The following P2RX1 variants were observed in gnomAD, a reference collection of about 807,000 sequenced individuals.
P2RX1 encodes P2X purinoceptor 1.
Under a neutral mutation model 50.3 loss-of-function variants are expected in P2RX1, and 42 were observed. That is an observed-to-expected ratio of 0.83 (90% confidence interval 0.65 to 1.08). The LOEUF is 1.08. P2RX1 is among the 50% of genes least tolerant of loss of function. The pLI is 0.00. For missense variants in P2RX1, 449 were observed against 529.0 expected, an observed-to-expected ratio of 0.85 and a Z score of 1.48; for synonymous variants, 199 against 202.6, an observed-to-expected ratio of 0.98 and a Z score of 0.15.
Position 3,915,888 on chromosome 17 carries a change from C to T in P2RX1, c.137+201G>A, listed in dbSNP as rs776727788. On this transcript the variant is annotated intron_variant, in intron 1 of 11. Coordinates refer to ENST00000225538, the MANE Select transcript of P2RX1 (RefSeq NM_002558.4). The stretch of plus-strand genomic sequence containing the variant: ...CTCCTGTTCACCGAAGGCCCCCGGG[C>T]AGGGCTTCCCCTCCGGCCTCGTCCC... 4 of 722,744 alleles carry T rather than the reference C, an allele frequency of 5.5e-6. No homozygotes were observed. In the South Asian group the frequency reaches 6.0e-5, roughly 11 times the overall value. 44.8% of individuals were successfully genotyped at this position (722,744 alleles called of 1,614,324 possible). A position where few individuals can be genotyped will look rare whatever the true frequency, so the allele number is the denominator to read the frequency against.
At position 3,896,722 on chromosome 17, in the gene P2RX1, C is replaced by A. The variant is rs2056028601; in HGVS notation, c.*1092G>T. The A allele has an allele frequency of 6.6e-6, 1 of 152,246 alleles. No individual in the cohort carries two copies. The highest frequency in any genetic ancestry group is 1.5e-5 in the Non-Finnish European group (1 of 68,062). The allele number at this position is 152,246 out of a possible 1,614,324, so 9.4% of individuals were successfully genotyped here. A position where few individuals can be genotyped will look rare whatever the true frequency, so the allele number is the denominator to read the frequency against. On this transcript the variant is annotated 3_prime_UTR_variant, in exon 12 of 12. Transcript: ENST00000225538. ...GAGCCCAGGATTTGGCTGGGGCTCC[C>A]ACCCCAACCCGAGGTAGCTGAGTAA...
Position 3,901,367 on chromosome 17 carries a change from C to T in P2RX1, c.748-1606G>A, listed in dbSNP as rs559094172. Among the ~76,000 whole-genome samples, 57 of 152,288 alleles carry T rather than the reference C, an allele frequency of 3.7e-4. No individual in the cohort carries two copies. The South Asian group carries it at 0.011, about 30-fold the overall frequency. On this transcript the variant is annotated intron_variant, in intron 7 of 11. Coordinates refer to ENST00000225538, the MANE Select transcript of P2RX1 (RefSeq NM_002558.4). ...CAGGCGTGAGCCACCGCACCCAGCC[C>T]TGATGACAGGGAGATTTTTAGGAAC...
Position 3,904,091 on chromosome 17 carries a change from C to T in P2RX1, c.428-67G>A, listed in dbSNP as rs1412174117. Reference sequence around the variant, plus strand: ...AGGAGGCCGCCCCAGACCCCTTCTCCAGGAGCTCCCAGTGACGGGCCACTC... The same window carrying T: ...AGGAGGCCGCCCCAGACCCCTTCTCTAGGAGCTCCCAGTGACGGGCCACTC... On this transcript the variant is annotated intron_variant, in intron 4 of 11. Transcript: ENST00000225538. The T allele has an allele frequency of 8.6e-5, 112 of 1,298,238 alleles. No individual in the cohort carries two copies. The South Asian group carries it at 8.7e-4, about 10-fold the overall frequency. The allele number at this position is 1,298,238 out of a possible 1,614,324, so 80.4% of individuals were successfully genotyped here.
intron 1 of P2RX1, among the ~76,000 whole-genome samples, chr17:3,906,956 G>A (rs532685481): frequency 5.2e-4 from 79 of 152,320 alleles, no homozygotes; most frequent in African/African-American, 1.8e-3. Flanking sequence ...CAGGGTGGCT[G>A]CAAGACGAAA....
intron 1 of P2RX1, among the ~76,000 whole-genome samples, chr17:3,909,729 G>A (rs1013557709): frequency 1.2e-4 from 18 of 152,012 alleles, no homozygotes; most frequent in African/African-American, 4.3e-4. Context: ...CTATTCATGC[G>A]CCAAACACTG....
rs377032995 is a variant in P2RX1, at chr17:3,897,715, G to C, written c.*99C>G. ...TGCTCTCTGCCTGGCTGAGAGGGTA[G>C]GAGACTTCCTGGGGAGGCCCCTCTG... On this transcript the variant is annotated 3_prime_UTR_variant, in exon 12 of 12. Coordinates refer to ENST00000225538, the MANE Select transcript of P2RX1 (RefSeq NM_002558.4). 340 of 1,064,656 alleles carry C rather than the reference G, an allele frequency of 3.2e-4. 4 individuals carry two copies. In the South Asian group the frequency reaches 4.0e-3, roughly 13 times the overall value. 66.0% of individuals were successfully genotyped at this position (1,064,656 alleles called of 1,614,324 possible).
At position 3,901,212 on chromosome 17, in the gene P2RX1, T is replaced by C. The variant is rs75314481; in HGVS notation, c.748-1451A>G. Among the ~76,000 whole-genome samples the C allele has an allele frequency of 8.2e-3, 1,255 of 152,202 alleles. 7 individuals carry two copies. Among genetic ancestry groups the C allele is most frequent in the East Asian group, 0.02 (102 of 5,180 alleles). On this transcript the variant is annotated intron_variant, in intron 7 of 11. Transcript: ENST00000225538. ...CCTCCTGAGTAGCTGAGATTACAGGTGCCCGCCACCATGCCCGGCTAATTT... is the reference window on the plus strand; with the variant it reads ...CCTCCTGAGTAGCTGAGATTACAGGCGCCCGCCACCATGCCCGGCTAATTT...
chr17:3,910,988 T>C (rs1475833050), intron 1 of P2RX1, among the ~76,000 whole-genome samples: 1 of 152,122 alleles, frequency 6.6e-6, no homozygotes, highest in African/African-American at 2.4e-5. Context: ...TTTATTGTTC[T>C]TTATTTATTT....
At position 3,914,419 on chromosome 17, in the gene P2RX1, C is replaced by T. The variant is rs1033153001; in HGVS notation, c.137+1670G>A. ...GGGCAGCAGCTTGGGGCATAGGCTA[C>T]GGCTGGGAATGGGTGGGTCCCTCCA... On this transcript the variant is annotated intron_variant, in intron 1 of 11. Coordinates refer to ENST00000225538, the MANE Select transcript of P2RX1 (RefSeq NM_002558.4). The surrounding 1 kb of genome is among the most constrained non-coding windows in gnomAD (Gnocchi z 4.1). 3.9e-5 allele frequency among the ~76,000 whole-genome samples: 6 copies of T among 152,062 alleles called. No homozygotes were observed. Among genetic ancestry groups the T allele is most frequent in the South Asian group, 2.1e-4 (1 of 4,826 alleles).
At chr17:3,899,374 C>T (rs996482149) in intron 8 of P2RX1, among the ~76,000 whole-genome samples, 1 of 149,388 alleles carries the variant, frequency 6.7e-6, no homozygotes, top group Non-Finnish European at 1.5e-5. Flanking sequence ...AGCCATTGCC[C>T]CAGCTCCCAA....
Position 3,916,391 on chromosome 17 carries a change from G to T in P2RX1, c.-166C>A. The T allele has an allele frequency of 1.4e-6, 1 of 700,228 alleles. No individual in the cohort carries two copies. The highest frequency in any genetic ancestry group is 2.4e-6 in the Non-Finnish European group (1 of 421,946). 43.4% of individuals were successfully genotyped at this position (700,228 alleles called of 1,614,324 possible). On this transcript the variant is annotated 5_prime_UTR_variant, in exon 1 of 12. It adds an upstream start codon to the 5' untranslated region. Coordinates refer to ENST00000225538, the MANE Select transcript of P2RX1 (RefSeq NM_002558.4). ...GCCAGAGGACAGGAGCCAGAGGTCA[G>T]CTGGAGGCACTTGGGTTGGAGAGAG...
At chr17:3,899,311 T>G (rs922906319) in intron 8 of P2RX1, among the ~76,000 whole-genome samples, 1 of 148,946 alleles carries the variant, frequency 6.7e-6, no homozygotes, top group Admixed American at 6.7e-5. Flanking sequence ...CTCAAAGCAA[T>G]CCCACCTCAG....
At chr17:3,898,420 C>CT in intron 10 of P2RX1, 64 bp downstream of exon 10, 1 of 1,290,528 alleles carries the variant, frequency 7.7e-7, no homozygotes, top group South Asian at 1.2e-5. Context: ...CGTCTTGCTG[C>CT]TACTGAATTG....
At position 3,898,130 on chromosome 17, in the gene P2RX1, C is replaced by T. The variant is rs373717005; in HGVS notation, c.1033-20G>A. ...TGTGGCCTGGGGTCAGGGAAGGGCA[C>T]GGAGACAGCGTGGGAATCCGGGGGT... On this transcript the variant is annotated intron_variant, in intron 10 of 11. Transcript: ENST00000225538. 1.1e-4 allele frequency: 169 copies of T among 1,603,994 alleles called. No individual in the cohort carries two copies. The highest frequency in any genetic ancestry group is 5.4e-4 in the East Asian group (24 of 44,736).
intron 7 of P2RX1, among the ~76,000 whole-genome samples, chr17:3,900,956 G>A (rs1161538761): frequency 6.6e-6 from 1 of 152,198 alleles, no homozygotes; most frequent in Non-Finnish European, 1.5e-5. Flanking sequence ...GTGGAGATAG[G>A]CTGAGCAACA....
At chr17:3,904,576 GC>G (rs560662620) in intron 3 of P2RX1, 177 bp from the exon 4 acceptor site, 4 of 671,818 alleles carry the variant, frequency 6.0e-6, no homozygotes, top group African/African-American at 1.8e-5. Flanking sequence ...CTGCCGAGGC[GC>G]CCCCCGGGCT....
At chr17:3,912,721 T>C (rs2056386275) in intron 1 of P2RX1, among the ~76,000 whole-genome samples, 1 of 152,154 alleles carries the variant, frequency 6.6e-6, no homozygotes, top group Non-Finnish European at 1.5e-5. Context: ...CCTCTCCCTC[T>C]CTCCATTCCA....
intron 1 of P2RX1, among the ~76,000 whole-genome samples, chr17:3,909,840 T>C (rs764332889): frequency 6.6e-6 from 1 of 152,098 alleles, no homozygotes; most frequent in African/African-American, 2.4e-5. Context: ...TATAACCTGA[T>C]AAACCCATCC....
At position 3,904,936 on chromosome 17, in the gene P2RX1, G is replaced by A; in HGVS notation, c.286-7C>T. The A allele has an allele frequency of 6.9e-7, 1 of 1,459,428 alleles. No homozygotes were observed. The highest frequency in any genetic ancestry group is 9.5e-7 in the Non-Finnish European group (1 of 1,053,142). The allele number at this position is 1,459,428 out of a possible 1,614,324, so 90.4% of individuals were successfully genotyped here. A position where few individuals can be genotyped will look rare whatever the true frequency, so the allele number is the denominator to read the frequency against. ...CCACGAAGGAGTTGTCCCCCTAGAA[G>A]TGAGGGGCAGGGGGAGGGTGGGGTG... is the stretch of plus-strand genomic sequence containing the variant. On this transcript the variant is annotated splice_region_variant and splice_polypyrimidine_tract_variant and intron_variant, in intron 2 of 11. Transcript: ENST00000225538.
Sources: allele counts gnomAD v4.1 joint callset (sites outside exome capture counted in the v4.1 genomes callset), GRCh38; gene constraint gnomAD v4.1.1; non-coding constraint Gnocchi (gnomAD v3.1); transcripts MANE v1.5; gene names NCBI Gene and HGNC (gene_info 2026-07-23, HGNC 2026-07-21).